Variants in RGMB observed in about 807,000 individuals in gnomAD.
RGMB encodes repulsive guidance molecule B.
RGMB carries 16 observed loss-of-function variants against 26.9 expected under a neutral mutation model. The ratio of observed to expected loss-of-function variants is 0.60; its 90% confidence interval spans 0.40 to 0.90. The LOEUF is 0.90. Among genes scored for constraint, RGMB ranks in the 40% least tolerant of loss-of-function variants. RGMB has a pLI of 0.00. For synonymous variants in RGMB, 225 were observed against 229.3 expected, an observed-to-expected ratio of 0.98 and a Z score of 0.17; for missense variants, 512 against 573.3, an observed-to-expected ratio of 0.89 and a Z score of 1.09.
chr5:98,792,695 C>T (rs1237163111), intron 2 of RGMB, among the ~76,000 whole-genome samples: 1 of 149,466 alleles, frequency 6.7e-6, no homozygotes, highest in African/African-American at 2.5e-5. Flanking sequence ...CCTTTGAGCC[C>T]AGGAGTTGAA....
chr5:98,793,741 C>A lies in RGMB; in HGVS notation c.1302C>A (p.Ile434=), dbSNP rs771761329. The change falls in exon 3 of 3, where the codon ATC becomes ATA. Residue 434 remains isoleucine, a synonymous_variant. Transcript: ENST00000513185. ...VSLGLTCLIL[I]VFL ...TAGGACTCACCTGCTTGATCCTTAT[C>A]GTGTTTTTGTAGGGGTTGTCTTTTG... is the stretch of plus-strand genomic sequence containing the variant. The A allele has an allele frequency of 3.8e-6, 6 of 1,568,322 alleles. No homozygotes were observed. In the South Asian group the frequency reaches 4.7e-5, roughly 12 times the overall value.
Position 98,774,039 on chromosome 5 carries a change from C to T in RGMB, c.-32C>T. ...GCCACGGCGCCCGCGCCGCCGCCCT[C>T]GCCGGAGCCCACGAGACCTGCATGG... On this transcript the variant is annotated 5_prime_UTR_variant, in exon 1 of 3. Transcript: ENST00000513185. The T allele has an allele frequency of 1.3e-6, 1 of 766,898 alleles. No individual in the cohort carries two copies. 47.5% of individuals were successfully genotyped at this position (766,898 alleles called of 1,614,324 possible). A position where few individuals can be genotyped will look rare whatever the true frequency, so the allele number is the denominator to read the frequency against.
intron 2 of RGMB, among the ~76,000 whole-genome samples, chr5:98,791,921 A>T (rs1311147817): frequency 6.6e-6 from 1 of 152,176 alleles, no homozygotes; most frequent in East Asian, 1.9e-4. Context: ...CTTTTGTATT[A>T]TTAGTAATTT....
At position 98,793,561 on chromosome 5, in the gene RGMB, C is replaced by G; in HGVS notation, c.1122C>G (p.Phe374Leu). 1 of 1,614,008 alleles carries G rather than the reference C, an allele frequency of 6.2e-7. No homozygotes were observed. Among genetic ancestry groups the G allele is most frequent in the Non-Finnish European group, 8.5e-7 (1 of 1,179,884 alleles). ...ACATCTATTTCCAGTCCTGTGTCTT[C>G]GACCTGCTCACCACTGGTGATGCCA... The part of the protein sequence containing the change: ...VKDIYFQSCV[F>L]DLLTTGDANF... The change falls in exon 3 of 3, where the codon TTC (phenylalanine) becomes TTG (leucine). Residue 374 changes from phenylalanine (F) to leucine (L), a missense_variant. Physicochemically the swap from Phe to Leu is conservative, Grantham distance 22. Transcript: ENST00000513185.
intron 2 of RGMB, among the ~76,000 whole-genome samples, chr5:98,782,994 C>T (rs541355393): frequency 6.7e-4 from 102 of 152,304 alleles, no homozygotes; most frequent in Middle Eastern, 3.4e-3. Flanking sequence ...GACATGCCTG[C>T]GGTGCTTAAT....
intron 2 of RGMB, among the ~76,000 whole-genome samples, chr5:98,789,967 A>T (rs1354001189): frequency 6.6e-6 from 1 of 152,192 alleles, no homozygotes; most frequent in South Asian, 2.1e-4. Flanking sequence ...GGTGTTTTTT[A>T]AAATTCCAAT....
At chr5:98,783,256 A>AC (rs765727684) in intron 2 of RGMB, among the ~76,000 whole-genome samples, 4 of 151,282 alleles carry the variant, frequency 2.6e-5, no homozygotes, top group African/African-American at 4.9e-5. Context: ...TCATCTCTCC[A>AC]CCCCGGGGGC....
rs766558340 is a variant in RGMB at position 98,779,974 on chromosome 5, C to T, written c.531C>T (p.Asn177=). ...GDPHLRTFKD[N]FQTCKVEGAW... ...CTCACCTCAGAACTTTCAAGGATAA[C>T]TTCCAAACATGCAAAGTAGAAGGGG... The change falls in exon 2 of 3, where the codon AAC becomes AAT. Residue 177 remains asparagine (N), a synonymous_variant. Coordinates refer to ENST00000513185, the MANE Select transcript of RGMB (RefSeq NM_001366508.1). 6.2e-7 allele frequency: 1 copy of T among 1,613,588 alleles called. No individual in the cohort carries two copies. Among genetic ancestry groups the T allele is most frequent in the Non-Finnish European group, 8.5e-7 (1 of 1,179,682 alleles).
At chr5:98,783,143 T>G (rs1202286889) in intron 2 of RGMB, among the ~76,000 whole-genome samples, 1 of 152,198 alleles carries the variant, frequency 6.6e-6, no homozygotes, top group Non-Finnish European at 1.5e-5. Context: ...TCTGTGTTTT[T>G]AGTTTTGCCC....
At chr5:98,786,322 C>T (rs1159993593) in intron 2 of RGMB, among the ~76,000 whole-genome samples, 1 of 152,208 alleles carries the variant, frequency 6.6e-6, no homozygotes, top group Non-Finnish European at 1.5e-5. Context: ...TGCTATGGGG[C>T]TCTGCTGCTT....
chr5:98,776,101 T>G (rs1746391964), intron 1 of RGMB, among the ~76,000 whole-genome samples: 1 of 152,216 alleles, frequency 6.6e-6, no homozygotes, highest in South Asian at 2.1e-4. Context: ...AACTGGTGAT[T>G]GTGCTGCAGA....
rs1193055483 is a variant in RGMB at position 98,774,278 on chromosome 5, G to C, written c.136+72G>C. ...TTGTTCCCAAATAGCCCCAGGTCTCGAAGGCGCTCGCCGGGGCGGAAGGGC... is the reference window on the plus strand; with the variant it reads ...TTGTTCCCAAATAGCCCCAGGTCTCCAAGGCGCTCGCCGGGGCGGAAGGGC... On this transcript the variant is annotated intron_variant, in intron 1 of 2. Transcript: ENST00000513185. The C allele has an allele frequency of 3.8e-6, 5 of 1,323,518 alleles. No individual in the cohort carries two copies. In the Admixed American group the frequency reaches 1.2e-4, roughly 32 times the overall value. The allele number at this position is 1,323,518 out of a possible 1,614,324, so 82.0% of individuals were successfully genotyped here. A position where few individuals can be genotyped will look rare whatever the true frequency, so the allele number is the denominator to read the frequency against.
chr5:98,770,402 TC>T, upstream of RGMB: 2 of 399,320 alleles, frequency 5.0e-6, no homozygotes, highest in East Asian at 7.2e-5. Context: ...GCGCATTACC[TC>T]CGCGCGCTGG....
At chr5:98,782,092 C>G (rs913142026) in intron 2 of RGMB, among the ~76,000 whole-genome samples, 1 of 152,216 alleles carries the variant, frequency 6.6e-6, no homozygotes, top group Non-Finnish European at 1.5e-5. Context: ...TTTCCCACAT[C>G]TGGTGACCAT....
At chr5:98,790,659 A>G (rs994697210) in intron 2 of RGMB, among the ~76,000 whole-genome samples, 2 of 152,140 alleles carry the variant, frequency 1.3e-5, no homozygotes, top group Admixed American at 6.5e-5. Flanking sequence ...GCTTTTTGGA[A>G]ACTTGTTTGG....
intron 2 of RGMB, among the ~76,000 whole-genome samples, chr5:98,789,649 CATT>C (rs747903079): frequency 1.3e-5 from 2 of 151,958 alleles, no homozygotes; most frequent in African/African-American, 2.4e-5. Flanking sequence ...GAGAGTGAAA[CATT>C]AAAAATGAAT....
chr5:98,782,010 A>G (rs191729100), intron 2 of RGMB, among the ~76,000 whole-genome samples: 1 of 152,352 alleles, frequency 6.6e-6, no homozygotes, highest in Admixed American at 6.5e-5. Context: ...AAGTTGGAGA[A>G]AGTGGTCCTC....
chr5:98,770,570 A>G, upstream of RGMB: 1 of 1,202,054 alleles, frequency 8.3e-7, no homozygotes, highest in Non-Finnish European at 1.1e-6. Flanking sequence ...GCTCACGCCA[A>G]GCTTTGGGAC....
rs760524056 is a variant in RGMB at position 98,779,763 on chromosome 5, C to T, written c.320C>T (p.Ser107Phe). The change falls in exon 2 of 3, where the codon TCT becomes TTT. Residue 107 changes from serine (S) to phenylalanine (F), a missense_variant. Coordinates refer to ENST00000513185, the MANE Select transcript of RGMB (RefSeq NM_001366508.1). ...TGCCGTGGCAACCTGGTATACCATT[C>T]TGCCGTGTTGGGTATCAGTGACCTC... ...KACRGNLVYH[S>F]AVLGISDLMS... The T allele has an allele frequency of 6.2e-7, 1 of 1,614,068 alleles. No homozygotes were observed. The highest frequency in any genetic ancestry group is 8.5e-7 in the Non-Finnish European group (1 of 1,179,890).
Sources: gnomAD v4.1 joint callset for allele counts (sites outside exome capture counted in the v4.1 genomes callset) on GRCh38, gnomAD v4.1.1 for gene constraint, MANE v1.5 for transcripts, NCBI Gene and HGNC (gene_info 2026-07-23, HGNC 2026-07-21) for gene names.